WDR27: variants seen among roughly 807,000 people sequenced by gnomAD.
WDR27 encodes WD repeat-containing protein 27.
A neutral mutation model predicts 114.4 loss-of-function variants in WDR27; 100 were observed. That is an observed-to-expected ratio of 0.87 (90% CI 0.74 to 1.03). WDR27 has a LOEUF of 1.03. Ranked by LOEUF, WDR27 falls within the 50% of genes least tolerant of loss-of-function variation. WDR27 has a pLI of 0.00. For missense variants in WDR27, 1,129 were observed against 1,092.9 expected (o/e 1.03, Z -0.47); for synonymous variants, 449 against 423.1 (o/e 1.06, Z -0.75).
chr6:169,499,014 T>G (rs1159228872), intron 25 of WDR27, among the ~76,000 whole-genome samples: 1 of 152,072 alleles, frequency 6.6e-6, no homozygotes, highest in Non-Finnish European at 1.5e-5. Context: ...AACAAGAGCA[T>G]CAGATTATGT....
intron 9 of WDR27, among the ~76,000 whole-genome samples, chr6:169,661,961 G>A (rs1826253607): frequency 6.6e-6 from 1 of 152,214 alleles, no homozygotes; most frequent in Admixed American, 6.5e-5. Context: ...CTTTAAATGT[G>A]TAATGTATAG....
rs1293056512 is a variant in WDR27 at position 169,670,644 on chromosome 6, C to T, written c.381G>A (p.Leu127=). ...GATCATCCAGGCTCAACTGTAAACACAGCACCTTTCCCAAAAGCGAGCCCA... is the reference window on the plus strand; with the variant it reads ...GATCATCCAGGCTCAACTGTAAACATAGCACCTTTCCCAAAAGCGAGCCCA... ...TVMGSLLGKV[L]CLQLSLDDHV... The change falls in exon 4 of 26, where the codon CTG becomes CTA. Residue 127 remains leucine (L), a synonymous_variant. Coordinates refer to ENST00000448612, the MANE Select transcript of WDR27 (RefSeq NM_182552.5). The T allele has an allele frequency of 1.9e-6, 3 of 1,614,034 alleles. No homozygotes were observed. Among genetic ancestry groups the T allele is most frequent in the African/African-American group, 1.3e-5 (1 of 75,044 alleles).
chr6:169,637,021 C>G (rs566682881), intron 18 of WDR27, among the ~76,000 whole-genome samples: 1 of 152,156 alleles, frequency 6.6e-6, no homozygotes, highest in Non-Finnish European at 1.5e-5. Context: ...CTATAAAAGA[C>G]GCAAAGAAAA....
intron 25 of WDR27, among the ~76,000 whole-genome samples, chr6:169,523,070 G>T (rs1008028516): frequency 6.6e-6 from 1 of 151,734 alleles, no homozygotes; most frequent in Non-Finnish European, 1.5e-5. Context: ...AATAGAGAGA[G>T]AATCCAAATA....
Position 169,669,005 on chromosome 6 carries a change from TG to T in WDR27, c.457-821del, listed in dbSNP as rs750688851. 3.1e-4 allele frequency among the ~76,000 whole-genome samples: 47 copies of T among 152,232 alleles called. 1 individual carries two copies. Among genetic ancestry groups the T allele is most frequent in the Non-Finnish European group, 6.5e-4 (44 of 68,036 alleles). On this transcript the variant is annotated intron_variant, in intron 4 of 25. Transcript: ENST00000448612. ...ACCTGTGTAGGAATAGGGAGAGTTA[TG>T]ACACTGAGTGTTATGAAATATACAT...
chr6:169,531,498 G>A (rs1795588802), intron 25 of WDR27, among the ~76,000 whole-genome samples: 1 of 152,178 alleles, frequency 6.6e-6, no homozygotes, highest in South Asian at 2.1e-4. Flanking sequence ...ATGGGCAGCA[G>A]ACTCCTGCAG....
chr6:169,560,231 T>G (rs1430677860), intron 25 of WDR27, among the ~76,000 whole-genome samples: 1 of 152,186 alleles, frequency 6.6e-6, no homozygotes, highest in Non-Finnish European at 1.5e-5. Flanking sequence ...AGCAGGGATT[T>G]CTGCTTTTGC....
intron 22 of WDR27, 104 bp downstream of exon 22, chr6:169,613,455 G>A: frequency 1.1e-6 from 1 of 931,554 alleles, no homozygotes; most frequent in Non-Finnish European, 1.7e-6. Context: ...TAGTCAGTGT[G>A]CACAGATTAA....
At position 169,683,530 on chromosome 6, in the gene WDR27, G is replaced by GA. The variant is rs753448281; in HGVS notation, c.189+5286dup. On this transcript the variant is annotated intron_variant, in intron 2 of 25. Transcript: ENST00000448612. ...ACCTGGCACTTGAGCCCCTCCAAAAGAAAAAAAAAAACAAGGCAATAAATA... is the reference window on the plus strand; with the variant it reads ...ACCTGGCACTTGAGCCCCTCCAAAAGAAAAAAAAAAAACAAGGCAATAAATA... 7.3e-4 allele frequency among the ~76,000 whole-genome samples: 103 copies of GA among 140,736 alleles called. 1 individual carries two copies. The highest frequency in any genetic ancestry group is 2.2e-3 in the East Asian group (11 of 4,920). The allele number at this position is 140,736 out of a possible 152,430, so 92.3% of individuals were successfully genotyped here.
chr6:169,483,841 C>T (rs568482432), intron 25 of WDR27, among the ~76,000 whole-genome samples: 122 of 152,080 alleles, frequency 8.0e-4, no homozygotes, highest in African/African-American at 2.7e-3. Flanking sequence ...ATCTAGTAGG[C>T]TTCATCCCCA....
intron 9 of WDR27, among the ~76,000 whole-genome samples, chr6:169,662,093 A>C (rs1210013778): frequency 6.6e-6 from 1 of 152,216 alleles, no homozygotes; most frequent in Non-Finnish European, 1.5e-5. Context: ...AAATCATCCA[A>C]TTCCTTTTAT....
In WDR27 at chr6:169,549,137, A is replaced by T. The variant is rs531375026; in HGVS notation, c.2645+23282T>A. Reference sequence around the variant, plus strand: ...ATAAGCCACAAACCGGGAGAAAATAAACGCAAAAGACAAATCCGATAAAGA... The same window carrying T: ...ATAAGCCACAAACCGGGAGAAAATATACGCAAAAGACAAATCCGATAAAGA... On this transcript the variant is annotated intron_variant, in intron 25 of 25. Coordinates refer to ENST00000448612, the MANE Select transcript of WDR27 (RefSeq NM_182552.5). Among the ~76,000 whole-genome samples, 5 of 152,368 alleles carry T rather than the reference A, an allele frequency of 3.3e-5. No individual in the cohort carries two copies. The East Asian group carries it at 7.7e-4, about 23-fold the overall frequency.
chr6:169,499,572 C>T (rs1265922390), intron 25 of WDR27, among the ~76,000 whole-genome samples: 1 of 152,192 alleles, frequency 6.6e-6, no homozygotes, highest in African/African-American at 2.4e-5. Flanking sequence ...ATAATGATGC[C>T]TCCCCACCTA....
intron 25 of WDR27, among the ~76,000 whole-genome samples, chr6:169,502,218 A>G (rs1791369419): frequency 6.6e-6 from 1 of 152,200 alleles, no homozygotes; most frequent in African/African-American, 2.4e-5. Flanking sequence ...CTCTGGCGGG[A>G]CGACCGCGGC....
intron 2 of WDR27, among the ~76,000 whole-genome samples, chr6:169,686,424 C>A (rs1421788836): frequency 1.3e-5 from 2 of 151,942 alleles, no homozygotes; most frequent in African/African-American, 4.8e-5. Context: ...TATCAATAAC[C>A]CTGAATGTAA....
At chr6:169,621,500 CCA>C (rs535081907) in intron 21 of WDR27, among the ~76,000 whole-genome samples, 5 of 150,284 alleles carry the variant, frequency 3.3e-5, no homozygotes, top group South Asian at 4.2e-4. Context: ...ATATACATAC[CCA>C]CACATGCATT....
chr6:169,642,263 G>C (rs112622588), intron 17 of WDR27, among the ~76,000 whole-genome samples: 1 of 152,258 alleles, frequency 6.6e-6, no homozygotes, highest in East Asian at 1.9e-4. Flanking sequence ...AAAGTGAAAC[G>C]ATGTGGCTTG....
intron 25 of WDR27, among the ~76,000 whole-genome samples, chr6:169,475,845 G>A (rs944952975): frequency 2.6e-5 from 4 of 151,966 alleles, no homozygotes; most frequent in African/African-American, 9.7e-5. Context: ...CTCTAATAGG[G>A]AAAATATAAA....
chr6:169,540,750 C>G (rs577600528), intron 25 of WDR27, among the ~76,000 whole-genome samples: 30 of 151,470 alleles, frequency 2.0e-4, no homozygotes, highest in Non-Finnish European at 3.1e-4. Flanking sequence ...CTCTTTTTAC[C>G]CCGAGATCTT....
Sources: allele counts gnomAD v4.1 joint callset (sites outside exome capture counted in the v4.1 genomes callset), GRCh38; gene constraint gnomAD v4.1.1; transcripts MANE v1.5; gene names NCBI Gene and HGNC (gene_info 2026-07-23, HGNC 2026-07-21).